The following GP6 variants were observed in gnomAD, a reference collection of about 807,000 sequenced individuals.
The protein encoded by GP6 is glycoprotein VI platelet.
A neutral mutation model predicts 37.3 loss-of-function variants in GP6; 45 were observed. That is an observed-to-expected ratio of 1.21 (90% CI 0.95 to 1.55). The LOEUF is 1.55. GP6 is among the 40% of genes most tolerant of loss of function. The pLI, the probability that GP6 is intolerant of heterozygous loss-of-function variation, is 0.00. For synonymous variants in GP6, 340 were observed against 316.4 expected, an observed-to-expected ratio of 1.07 and a Z score of -0.79; for missense variants, 813 against 760.2, an observed-to-expected ratio of 1.07 and a Z score of -0.82.
At chr19:55,019,107 C>CTTTT (rs538058206) in intron 5 of GP6, among the ~76,000 whole-genome samples, 5 of 132,874 alleles carry the variant, frequency 3.8e-5, no homozygotes, top group Admixed American at 7.9e-5. Context: ...TCTTTTTTTT[C>CTTTT]TTTTTTTTTT....
At chr19:55,028,392 C>T (rs546750545) in intron 3 of GP6, among the ~76,000 whole-genome samples, 1 of 152,120 alleles carries the variant, frequency 6.6e-6, no homozygotes, top group Non-Finnish European at 1.5e-5. Flanking sequence ...CTTAATGTCC[C>T]TATTTTATAA....
chr19:55,025,580 C>G (rs1568616676), intron 4 of GP6, among the ~76,000 whole-genome samples: 1 of 152,018 alleles, frequency 6.6e-6, no homozygotes, highest in Non-Finnish European at 1.5e-5. Flanking sequence ...GTGGTGTGCA[C>G]CTGTAATCCC....
At position 55,015,908 on chromosome 19, in the gene GP6, T is replaced by C. The variant is rs1654484; in HGVS notation, c.725-175A>G. Among the ~76,000 whole-genome samples, 117,240 of 151,956 alleles carry C rather than the reference T, an allele frequency of 0.77. 45,892 individuals carry two copies. Among genetic ancestry groups the C allele is most frequent in the Middle Eastern group, 0.85 (249 of 294 alleles). On this transcript the variant is annotated intron_variant, in intron 6 of 7. Coordinates refer to ENST00000310373, the MANE Select transcript of GP6 (RefSeq NM_001083899.2). ...ATCCCAGCACTTTGGGAGGCTGAGG[T>C]AGGAGGCTGGCTTGAGTCCAGGAGT... is the stretch of plus-strand genomic sequence containing the variant.
At chr19:55,028,504 T>C (rs1302641627) in intron 3 of GP6, among the ~76,000 whole-genome samples, 1 of 152,174 alleles carries the variant, frequency 6.6e-6, no homozygotes, top group Non-Finnish European at 1.5e-5. Flanking sequence ...ATAAGTATTC[T>C]CACACACAAA....
chr19:55,015,281 C>T (rs1390567827), intron 7 of GP6, 116 bp from the exon 8 acceptor site: 6 of 1,503,790 alleles, frequency 4.0e-6, no homozygotes, highest in Non-Finnish European at 3.6e-6. Context: ...GGGGATGCCG[C>T]TCACTTTCCT....
chr19:55,014,395 A>C lies in GP6; in HGVS notation c.1550T>G (p.Met517Arg), dbSNP rs200566792. Residue 517 changes from methionine to arginine, a missense_variant, in exon 8 of 8, where the codon ATG (methionine) becomes AGG (arginine). Transcript: ENST00000310373. The stretch of plus-strand genomic sequence containing the variant: ...TTTTACACTAAGGAAAATGAATGAC[A>C]TACCCAAACTGCCTGCAAGACCCGT... The C allele has an allele frequency of 1.9e-3, 3,113 of 1,612,582 alleles. 8 individuals carry two copies. Among genetic ancestry groups the C allele is most frequent in the Non-Finnish European group, 2.2e-3 (2,574 of 1,178,588 alleles).
rs773558453 is a variant in GP6, at chr19:55,014,848, AC to A, written c.1096del (p.Val366CysfsTer42). On this transcript the variant is annotated frameshift_variant, in exon 8 of 8. Transcript: ENST00000310373. LOFTEE classifies it low-confidence loss of function (END_TRUNC). Reference sequence around the variant, plus strand: ...CTGCCCTCCTGCTTCCACGCTCCACACACGCCAGTCTTTGAGTCGCCTCCCA... The same window carrying A: ...CTGCCCTCCTGCTTCCACGCTCCACAACGCCAGTCTTTGAGTCGCCTCCCA... 1 of 1,613,952 alleles carries A rather than the reference AC, an allele frequency of 6.2e-7. No homozygotes were observed. Among genetic ancestry groups the A allele is most frequent in the Admixed American group, 1.7e-5 (1 of 60,002 alleles).
chr19:55,014,320 C>T lies in GP6; in HGVS notation c.1625G>A (p.Cys542Tyr). 6.3e-7 allele frequency: 1 copy of T among 1,586,666 alleles called. No individual in the cohort carries two copies. The highest frequency in any genetic ancestry group is 8.6e-7 in the Non-Finnish European group (1 of 1,156,336). ...GTAGAGATGAGGTTTCACCATGTTGCACAGGCTGATCTTGTTTTCTAATGT... is the reference window on the plus strand; with the variant it reads ...GTAGAGATGAGGTTTCACCATGTTGTACAGGCTGATCTTGTTTTCTAATGT... The change falls in exon 8 of 8, where the codon TGC (cysteine) becomes TAC (tyrosine). Residue 542 changes from cysteine to tyrosine, a missense_variant. Cys to Tyr is a radical substitution (Grantham distance 194, BLOSUM62 -2). Coordinates refer to ENST00000310373, the MANE Select transcript of GP6 (RefSeq NM_001083899.2).
At chr19:55,032,664 CA>C (rs1438819833) in intron 1 of GP6, 126 bp from the exon 2 acceptor site, 1 of 1,025,266 alleles carries the variant, frequency 9.8e-7, no homozygotes, top group Non-Finnish European at 1.5e-6. Context: ...CTTCAAAAGA[CA>C]CACAGGAATG....
At chr19:55,016,000 G>A (rs796701851) in intron 6 of GP6, among the ~76,000 whole-genome samples, 26 of 152,168 alleles carry the variant, frequency 1.7e-4, no homozygotes, top group African/African-American at 6.0e-4. Context: ...TTAGCCAGGC[G>A]TGGTGGCACG....
chr19:55,015,556 T>C (rs1602530405), intron 7 of GP6, 127 bp downstream of exon 7: 1 of 727,284 alleles, frequency 1.4e-6, no homozygotes, highest in Non-Finnish European at 2.5e-6. Flanking sequence ...TACGCTGATA[T>C]TCTGCCTTTA....
At chr19:55,018,772 C>A in intron 5 of GP6, 61 bp from the exon 6 acceptor site, 1 of 1,097,530 alleles carries the variant, frequency 9.1e-7, no homozygotes, top group Non-Finnish European at 1.4e-6. Context: ...TAGATATCTC[C>A]ATTCCCCTTT....
At position 55,021,518 on chromosome 19, in the gene GP6, T is replaced by TG. The variant is rs201724159; in HGVS notation, c.665-2808dup. 2.2e-3 allele frequency among the ~76,000 whole-genome samples: 190 copies of TG among 85,648 alleles called. 15 individuals carry two copies. The highest frequency in any genetic ancestry group is 0.01 in the East Asian group (21 of 2,040). The allele number at this position is 85,648 out of a possible 152,430, so 56.2% of individuals were successfully genotyped here. ...GCACCTGTTGTTTCTTGACTTTTGT[T>TG]GGTTTTTTTTTTTTTTTTTTGAGAT... is the stretch of plus-strand genomic sequence containing the variant. On this transcript the variant is annotated intron_variant, in intron 5 of 7. Coordinates refer to ENST00000310373, the MANE Select transcript of GP6 (RefSeq NM_001083899.2).
chr19:55,023,920 C>T (rs553893480), intron 5 of GP6, among the ~76,000 whole-genome samples: 2 of 150,762 alleles, frequency 1.3e-5, no homozygotes, highest in Admixed American at 6.7e-5. Context: ...TAATGGATAC[C>T]AGGAGTTAGG....
intron 6 of GP6, among the ~76,000 whole-genome samples, chr19:55,017,589 A>G (rs2073923846): frequency 1.3e-5 from 2 of 151,950 alleles, no homozygotes; most frequent in Admixed American, 1.3e-4. Flanking sequence ...CCTCCAGGAG[A>G]GCTTCAAGTG....
chr19:55,022,915 G>A (rs879895869), intron 5 of GP6, among the ~76,000 whole-genome samples: 4 of 152,152 alleles, frequency 2.6e-5, no homozygotes, highest in Admixed American at 2.6e-4. Context: ...AATCAATATC[G>A]TGAAAATGGC....
Position 55,032,927 on chromosome 19 carries a change from TAGACACGGTGGGCTCGTTC to T in GP6, c.35-408_35-390del, listed in dbSNP as rs1363093261. 5.7e-3 allele frequency: 1,945 copies of T among 343,104 alleles called. 11 individuals carry two copies. Among genetic ancestry groups the T allele is most frequent in the South Asian group, 8.2e-3 (268 of 32,840 alleles). 21.3% of individuals were successfully genotyped at this position (343,104 alleles called of 1,614,324 possible). ...TTAGACACGGTGGGCTCGTTCGTGT[TAGACACGGTGGGCTCGTTC>T]GTGTTAGACACGGTGGACTCGTTCG... On this transcript the variant is annotated intron_variant, in intron 1 of 7. Transcript: ENST00000310373.
At position 55,032,002 on chromosome 19, in the gene GP6, C is replaced by T. The variant is rs1360640369; in HGVS notation, c.325+137G>A. On this transcript the variant is annotated intron_variant, in intron 3 of 7. Transcript: ENST00000310373. ...AAACAAAATATTATTCACATTGATC[C>T]ATAAATGTCGTGGCACCACCACCCG... 9 of 822,252 alleles carry T rather than the reference C, an allele frequency of 1.1e-5. No homozygotes were observed. The East Asian group carries it at 1.9e-4, about 17-fold the overall frequency. The allele number at this position is 822,252 out of a possible 1,614,324, so 50.9% of individuals were successfully genotyped here. A position where few individuals can be genotyped will look rare whatever the true frequency, so the allele number is the denominator to read the frequency against.
Position 55,032,237 on chromosome 19 carries a change from G to A in GP6, c.227C>T (p.Pro76Leu), listed in dbSNP as rs866721211. The change falls in exon 3 of 8, where the codon CCG (proline) becomes CTG (leucine). Residue 76 changes from proline (P) to leucine (L), a missense_variant. By Grantham distance (98) the Pro-to-Leu change is moderately conservative. Coordinates refer to ENST00000310373, the MANE Select transcript of GP6 (RefSeq NM_001083899.2). ...TCCAGCCAGACTTCTCTTCATGGCCGGGATGAAGAGGACTGCCTGATCCTG... is the reference window on the plus strand; with the variant it reads ...TCCAGCCAGACTTCTCTTCATGGCCAGGATGAAGAGGACTGCCTGATCCTG... The A allele has an allele frequency of 5.0e-6, 8 of 1,613,972 alleles. No homozygotes were observed. Among genetic ancestry groups the A allele is most frequent in the East Asian group, 2.2e-5 (1 of 44,894 alleles).
Sources: allele counts gnomAD v4.1 joint callset (sites outside exome capture counted in the v4.1 genomes callset), GRCh38; gene constraint gnomAD v4.1.1; transcripts MANE v1.5; gene names NCBI Gene and HGNC (gene_info 2026-07-23, HGNC 2026-07-21).